Variants in PHLDB2 observed in about 807,000 individuals in gnomAD.
The protein encoded by PHLDB2 is pleckstrin homology-like domain family B member 2.
A neutral mutation model predicts 123.6 loss-of-function variants in PHLDB2; 71 were observed. The observed-to-expected ratio is 0.57, with a 90% confidence interval of 0.47 to 0.70. The LOEUF is 0.70. Ranked by LOEUF, PHLDB2 falls within the 30% of genes least tolerant of loss-of-function variation. The pLI is 0.00. For missense variants in PHLDB2, 1,446 were observed against 1,519.5 expected (o/e 0.95, Z 0.80); for synonymous variants, 547 against 541.6 (o/e 1.01, Z -0.14).
At chr3:111,807,906 A>G (rs1357181313) in intron 1 of PHLDB2, among the ~76,000 whole-genome samples, 1 of 146,988 alleles carries the variant, frequency 6.8e-6, no homozygotes, top group African/African-American at 2.6e-5. Context: ...ACATTGCTTT[A>G]TTTCTTTGAT....
chr3:111,792,531 C>A (rs1392843203), intron 1 of PHLDB2, among the ~76,000 whole-genome samples: 3 of 151,968 alleles, frequency 2.0e-5, no homozygotes, highest in Non-Finnish European at 4.4e-5. Context: ...CATAAGGAGA[C>A]CTCCATCCCT....
intron 1 of PHLDB2, among the ~76,000 whole-genome samples, chr3:111,860,919 A>T (rs1048922103): frequency 2.0e-5 from 3 of 152,200 alleles, no homozygotes; most frequent in Non-Finnish European, 4.4e-5. Flanking sequence ...TCGTAATATG[A>T]ACGTGTAAGT....
At chr3:111,807,571 T>TA (rs2061648949) in intron 1 of PHLDB2, among the ~76,000 whole-genome samples, 2 of 151,618 alleles carry the variant, frequency 1.3e-5, no homozygotes, top group Non-Finnish European at 2.9e-5. Flanking sequence ...AAATAAAAAT[T>TA]TAAAAAAAAT....
intron 1 of PHLDB2, among the ~76,000 whole-genome samples, chr3:111,830,955 G>GAGAGAGAAAGAA (rs1553736315): frequency 1.6e-5 from 1 of 63,678 alleles, no homozygotes; most frequent in Non-Finnish European, 2.8e-5. Flanking sequence ...AAGAAAGAAA[G>GAGAGAGAAAGAA]AGAAAGAAAG....
At chr3:111,872,645 C>T (rs759159679) in intron 1 of PHLDB2, among the ~76,000 whole-genome samples, 8 of 152,280 alleles carry the variant, frequency 5.3e-5, no homozygotes, top group South Asian at 2.1e-4. Flanking sequence ...TCAAAATACA[C>T]GACTGATGAC....
intron 2 of PHLDB2, among the ~76,000 whole-genome samples, chr3:111,852,372 T>C (rs891789828): frequency 1.3e-5 from 2 of 148,472 alleles, no homozygotes; most frequent in African/African-American, 4.9e-5. Context: ...ATATATTATA[T>C]ATACATAAAT....
At chr3:111,760,848 G>A (rs1353113058) in intron 1 of PHLDB2, among the ~76,000 whole-genome samples, 1 of 151,916 alleles carries the variant, frequency 6.6e-6, no homozygotes, top group Non-Finnish European at 1.5e-5. Context: ...TTGGGAGAGG[G>A]GCCAGGATGC....
intron 8 of PHLDB2, 39 bp from the exon 9 acceptor site, chr3:111,945,229 G>C: frequency 1.4e-6 from 2 of 1,388,094 alleles, no homozygotes; most frequent in Middle Eastern, 1.8e-4. Flanking sequence ...TTGCATCGAA[G>C]GTTGACTTTT....
chr3:111,913,642 A>G lies in PHLDB2; in HGVS notation c.1659A>G (p.Pro553=), dbSNP rs745533090. 2 of 1,613,864 alleles carry G rather than the reference A, an allele frequency of 1.2e-6. No homozygotes were observed. Among genetic ancestry groups the G allele is most frequent in the Non-Finnish European group, 1.7e-6 (2 of 1,179,832 alleles). The change falls in exon 3 of 18, where the codon CCA becomes CCG. Residue 553 remains proline, a synonymous_variant. Coordinates refer to ENST00000431670, the MANE Select transcript of PHLDB2 (RefSeq NM_001134438.2). ...GTGACCTCACCCGGACTCCTCCACC[A>G]CCATCCTCCACCTTTCCGAAAGCTT... The part of the protein sequence containing the change: ...LLSDLTRTPP[P]PSSTFPKASS...
At chr3:111,854,820 C>CA (rs748686132), upstream of PHLDB2, among the ~76,000 whole-genome samples, 190 of 152,310 alleles carry the variant, frequency 1.2e-3, 2 homozygotes, top group Non-Finnish European at 2.1e-3. Flanking sequence ...GCCATGTCCC[C>CA]AGTGGCTGTG....
rs200997251 is a variant in PHLDB2 at position 111,864,178 on chromosome 3, G to GC, written c.-15+4609dup. On this transcript the variant is annotated intron_variant, in intron 1 of 17. Transcript: ENST00000431670. The stretch of plus-strand genomic sequence containing the variant: ...GAGTGATAGCCCTTTTAAGGGATCT[G>GC]CCCCCCCGCAGGTACTATGCAAAAG... Among the ~76,000 whole-genome samples, 203 of 152,062 alleles carry GC rather than the reference G, an allele frequency of 1.3e-3. 2 individuals carry two copies. Among genetic ancestry groups the GC allele is most frequent in the African/African-American group, 4.0e-3 (165 of 41,488 alleles).
At position 111,905,740 on chromosome 3, in the gene PHLDB2, A is replaced by G. The variant is rs545624940; in HGVS notation, c.1336-7579A>G. ...CATGTTTTGCTGTAGGTTTGTTTAT[A>G]TCAGCATCGCAGCAAACACATGAGT... is the stretch of plus-strand genomic sequence containing the variant. On this transcript the variant is annotated intron_variant, in intron 2 of 17. Coordinates refer to ENST00000431670, the MANE Select transcript of PHLDB2 (RefSeq NM_001134438.2). Among the ~76,000 whole-genome samples, 13 of 152,288 alleles carry G rather than the reference A, an allele frequency of 8.5e-5. No individual in the cohort carries two copies. In the South Asian group the frequency reaches 2.5e-3, roughly 29 times the overall value.
At chr3:111,803,596 C>A (rs1193817581) in intron 1 of PHLDB2, among the ~76,000 whole-genome samples, 2 of 152,144 alleles carry the variant, frequency 1.3e-5, no homozygotes, top group Non-Finnish European at 2.9e-5. Context: ...CACCCACCAG[C>A]AATCCCTGGC....
intron 1 of PHLDB2, among the ~76,000 whole-genome samples, chr3:111,872,617 C>T (rs566888424): frequency 6.6e-6 from 1 of 152,292 alleles, no homozygotes; most frequent in Non-Finnish European, 1.5e-5. Context: ...CTCTCCTTGC[C>T]CACACCCTAA....
chr3:111,872,018 T>A (rs997525008), intron 1 of PHLDB2, among the ~76,000 whole-genome samples: 2 of 152,206 alleles, frequency 1.3e-5, no homozygotes, highest in African/African-American at 4.8e-5. Flanking sequence ...TGTAGTAGGT[T>A]TCAGGTGATA....
chr3:111,928,076 G>T (rs1374160727), intron 5 of PHLDB2, among the ~76,000 whole-genome samples: 1 of 152,116 alleles, frequency 6.6e-6, no homozygotes, highest in Non-Finnish European at 1.5e-5. Flanking sequence ...CATTTTTATG[G>T]TTAGACGATA....
rs2068008312 is a variant in PHLDB2 at position 111,913,709 on chromosome 3, T to C, written c.1719+7T>C. ...TCTAAGTATCCTACCAAAGGTAATGTTGGCCCAGCAAAGATACTAGGATTT... is the reference window on the plus strand; with the variant it reads ...TCTAAGTATCCTACCAAAGGTAATGCTGGCCCAGCAAAGATACTAGGATTT... On this transcript the variant is annotated splice_region_variant and intron_variant, in intron 3 of 17. Coordinates refer to ENST00000431670, the MANE Select transcript of PHLDB2 (RefSeq NM_001134438.2). 6.2e-7 allele frequency: 1 copy of C among 1,605,702 alleles called. No homozygotes were observed. Among genetic ancestry groups the C allele is most frequent in the Non-Finnish European group, 8.5e-7 (1 of 1,173,864 alleles).
chr3:111,800,810 T>C (rs2061347789), intron 1 of PHLDB2, among the ~76,000 whole-genome samples: 1 of 152,204 alleles, frequency 6.6e-6, no homozygotes, highest in South Asian at 2.1e-4. Context: ...GCTCTGTTAA[T>C]AACACTGAGG....
chr3:111,936,287 G>A (rs1285619484), intron 6 of PHLDB2, among the ~76,000 whole-genome samples: 1 of 152,184 alleles, frequency 6.6e-6, no homozygotes, highest in East Asian at 1.9e-4. Context: ...GTAGAGATAT[G>A]TAATGCTCTT....
Sources: allele counts gnomAD v4.1 joint callset (sites outside exome capture counted in the v4.1 genomes callset), GRCh38; gene constraint gnomAD v4.1.1; transcripts MANE v1.5; gene names NCBI Gene and HGNC (gene_info 2026-07-23, HGNC 2026-07-21).